HUWE1: variants seen among roughly 807,000 people sequenced by gnomAD.
HUWE1 encodes HECT, UBA and WWE domain containing E3 ubiquitin protein ligase 1.
In HUWE1, 18 loss-of-function variants were observed where a neutral mutation model predicts 299.4. The ratio of observed to expected loss-of-function variants is 0.06; its 90% CI spans 0.04 to 0.09. The LOEUF is 0.09. HUWE1 is among the 10% of genes least tolerant of loss of function. HUWE1 has a pLI of 1.00. For missense variants in HUWE1, 1,832 were observed against 3,462.3 expected (o/e 0.53, Z 11.82); for synonymous variants, 1,317 against 1,286.1 (o/e 1.02, Z -0.51).
chrX:53,555,842 G>A (rs1398717788), intron 60 of HUWE1, among the ~76,000 whole-genome samples: 13 of 105,991 alleles, frequency 1.2e-4, no homozygotes, highest in Non-Finnish European at 1.7e-4. Context: ...GGGTTTCGCC[G>A]TGTTGGCCAG....
At chrX:53,604,139 A>G (rs1455439864) in intron 26 of HUWE1, among the ~76,000 whole-genome samples, 1 of 111,927 alleles carries the variant, frequency 8.9e-6, no homozygotes, top group Non-Finnish European at 1.9e-5. Flanking sequence ...AATGTAGTAA[A>G]ACTGTGAGGA....
intron 7 of HUWE1, 89 bp from the exon 8 acceptor site, chrX:53,634,387 ATCTC>A: frequency 3.2e-6 from 2 of 619,083 alleles, no homozygotes; most frequent in Non-Finnish European, 5.6e-6. Context: ...GTGAGACCTT[ATCTC>A]TCTTTCTCTC....
intron 3 of HUWE1, among the ~76,000 whole-genome samples, chrX:53,672,819 AAT>A (rs1158855920): frequency 1.1e-4 from 12 of 111,797 alleles, no homozygotes; most frequent in South Asian, 3.7e-4. Context: ...TTTCTGAAAA[AAT>A]ATATAATATG....
At position 53,602,623 on chromosome X, in the gene HUWE1, A is replaced by G. The variant is rs1556992107; in HGVS notation, c.2912T>C (p.Met971Thr). The G allele has an allele frequency of 2.5e-6, 3 of 1,196,720 alleles. No homozygotes were observed. Among genetic ancestry groups the G allele is most frequent in the Admixed American group, 2.2e-5 (1 of 45,858 alleles). The change falls in exon 28 of 84, where the codon ATG (methionine) becomes ACG (threonine). Residue 971 changes from methionine (M) to threonine (T), a missense_variant. By Grantham distance (81) the Met-to-Thr change is moderately conservative (BLOSUM62 -1). This residue lies in a region of HUWE1 where 658 missense variants were observed against 1,282.6 expected (regional missense o/e 0.51). Transcript: ENST00000262854. ...PSGCEFGQAD[M>T]QKLVPKDEKA... ...CTCATCCTTTGGAACCAGTTTCTGC[A>G]TATCTGCCTGGCCAAATTCACACCC...
intron 41 of HUWE1, 41 bp downstream of exon 41, chrX:53,584,145 A>C (rs1347080461): frequency 8.6e-7 from 1 of 1,166,582 alleles, no homozygotes; most frequent in East Asian, 3.0e-5. Context: ...CTTAAGCCAC[A>C]AAGGCACATT....
At chrX:53,611,584 T>A (rs1180943046) in intron 23 of HUWE1, among the ~76,000 whole-genome samples, 1 of 111,722 alleles carries the variant, frequency 9.0e-6, no homozygotes, top group Non-Finnish European at 1.9e-5. Context: ...GCTGATAAAT[T>A]GGCCAGGTGC....
intron 47 of HUWE1, among the ~76,000 whole-genome samples, chrX:53,570,526 G>A (rs782519801): frequency 9.9e-4 from 111 of 112,087 alleles, no homozygotes; most frequent in Non-Finnish European, 1.3e-3. Flanking sequence ...AGGACCCTGT[G>A]CTACAATAGA....
At chrX:53,594,971 C>A (rs1556983534) in intron 30 of HUWE1, among the ~76,000 whole-genome samples, 1 of 111,793 alleles carries the variant, frequency 8.9e-6, no homozygotes, top group Non-Finnish European at 1.9e-5. Flanking sequence ...TATAAGACCA[C>A]TGAAATGCAG....
chrX:53,648,616 G>A (rs1454004880), intron 4 of HUWE1, among the ~76,000 whole-genome samples: 1 of 102,062 alleles, frequency 9.8e-6, no homozygotes, highest in African/African-American at 3.7e-5. Flanking sequence ...TATTTGGAAA[G>A]GTGCTGACAA....
chrX:53,665,150 C>T (rs782165652), intron 3 of HUWE1, among the ~76,000 whole-genome samples: 99 of 111,253 alleles, frequency 8.9e-4, no homozygotes, highest in African/African-American at 3.0e-3. Flanking sequence ...CACCTTGCTA[C>T]GCCCCTCTCC....
chrX:53,612,694 A>C (rs146802059), intron 23 of HUWE1, among the ~76,000 whole-genome samples: 2,058 of 111,812 alleles, frequency 0.018, 43 homozygotes, highest in African/African-American at 0.064. Context: ...TGGAGGTAAA[A>C]AACCAACCAA....
In HUWE1 at chrX:53,647,349, A is replaced by C; in HGVS notation, c.351+19T>G. 1 of 1,132,609 alleles carries C rather than the reference A, an allele frequency of 8.8e-7. No individual in the cohort carries two copies. The highest frequency in any genetic ancestry group is 1.2e-6 in the Non-Finnish European group (1 of 823,299). 93.3% of individuals were successfully genotyped at this position (1,132,609 alleles called of 1,213,427 possible). On this transcript the variant is annotated intron_variant, in intron 6 of 83. Transcript: ENST00000262854. ...AATTCTAGTCAAGAACAGGGTACAC[A>C]GGCTTTAACCTCCCCTACCTCTATG...
intron 47 of HUWE1, among the ~76,000 whole-genome samples, chrX:53,572,456 C>T (rs782441049): frequency 3.6e-5 from 4 of 111,961 alleles, no homozygotes; most frequent in African/African-American, 6.5e-5. Flanking sequence ...TTAAAAATGG[C>T]GGTTGCTTTC....
chrX:53,659,756 T>C (rs5978180), intron 3 of HUWE1, among the ~76,000 whole-genome samples: 19,904 of 111,151 alleles, frequency 0.18, 4,239 homozygotes, highest in African/African-American at 0.61. Context: ...GTGGGAGATG[T>C]TGATAACAAG....
intron 6 of HUWE1, among the ~76,000 whole-genome samples, 200 bp downstream of exon 6, chrX:53,647,168 G>A (rs896244403): frequency 8.9e-6 from 1 of 111,764 alleles, no homozygotes; most frequent in African/African-American, 3.3e-5. Flanking sequence ...CAAAGCAAAG[G>A]TGATAGTACA....
chrX:53,535,557 G>C (rs1602482288), intron 80 of HUWE1, 56 bp from the exon 81 acceptor site: 12 of 788,043 alleles, frequency 1.5e-5, no homozygotes, highest in South Asian at 4.1e-5. Context: ...GATGGGATTA[G>C]ATACCTAGGA....
intron 3 of HUWE1, among the ~76,000 whole-genome samples, chrX:53,672,934 A>G (rs189693772): frequency 8.9e-5 from 10 of 112,079 alleles, no homozygotes; most frequent in Non-Finnish European, 1.9e-4. Flanking sequence ...TTGTCTGTTT[A>G]TCTGTATTTT....
At chrX:53,626,759 C>A (rs1417406585) in intron 17 of HUWE1, among the ~76,000 whole-genome samples, 1 of 111,595 alleles carries the variant, frequency 9.0e-6, no homozygotes, top group Non-Finnish European at 1.9e-5. Context: ...CTCAAACTCC[C>A]AGGCTCAGAT....
intron 74 of HUWE1, among the ~76,000 whole-genome samples, chrX:53,542,065 C>T (rs782414332): frequency 9.6e-4 from 106 of 110,832 alleles, no homozygotes; most frequent in African/African-American, 3.5e-3. Context: ...CGCCTGTAAT[C>T]CCAGCTACTT....
Sources: gnomAD v4.1 joint callset for allele counts (sites outside exome capture counted in the v4.1 genomes callset) on GRCh38, gnomAD v4.1.1 for gene constraint, gnomAD v4.1.1 regional missense constraint, MANE v1.5 for transcripts, NCBI Gene and HGNC (gene_info 2026-07-23, HGNC 2026-07-21) for gene names.